B3GALNT2: variants seen among roughly 807,000 people sequenced by gnomAD.
B3GALNT2 encodes the protein beta-1,3-N-acetylgalactosaminyltransferase 2, also known as UDP-GalNAc:beta-1,3-N-acetylgalactosaminyltransferase 2.
Under a neutral mutation model 61.1 loss-of-function variants are expected in B3GALNT2, and 53 were observed. The ratio of observed to expected loss-of-function variants is 0.87; its 90% CI spans 0.70 to 1.09. B3GALNT2 has a LOEUF of 1.09. Ranked by LOEUF, B3GALNT2 falls within the 50% of genes least tolerant of loss-of-function variation. The pLI is 0.00. For missense variants in B3GALNT2, 544 were observed against 623.0 expected (o/e 0.87, Z 1.35); for synonymous variants, 223 against 237.4 (o/e 0.94, Z 0.56).
In B3GALNT2 at chr1:235,448,498, T is replaced by TTAAAC. The variant is rs773815521; in HGVS notation, c.*1703_*1707dup. ...CAAGCTTAGTCCTCGTATTATGACA[T>TTAAAC]TAAACTGTCTCTAGATAGCAACAGT... On this transcript the variant is annotated 3_prime_UTR_variant, in exon 12 of 12. Transcript: ENST00000366600. 2 of 1,529,024 alleles carry TTAAAC rather than the reference T, an allele frequency of 1.3e-6. No homozygotes were observed. 94.7% of individuals were successfully genotyped at this position (1,529,024 alleles called of 1,614,324 possible).
intron 1 of B3GALNT2, among the ~76,000 whole-genome samples, chr1:235,501,571 T>C (rs1335809399): frequency 1.3e-5 from 2 of 152,250 alleles, no homozygotes; most frequent in Non-Finnish European, 2.9e-5. Flanking sequence ...GAAGTTTAGC[T>C]TGATTACTGC....
chr1:235,489,815 T>C (rs1458370289), intron 2 of B3GALNT2, among the ~76,000 whole-genome samples: 3 of 152,196 alleles, frequency 2.0e-5, no homozygotes, highest in Non-Finnish European at 4.4e-5. Context: ...CACCACACTT[T>C]ACACTGAGGT....
At chr1:235,471,545 T>C (rs1339624288) in intron 5 of B3GALNT2, among the ~76,000 whole-genome samples, 1 of 152,222 alleles carries the variant, frequency 6.6e-6, no homozygotes, top group Non-Finnish European at 1.5e-5. Context: ...ATTTATAGGG[T>C]TATCAGCAAT....
chr1:235,492,006 G>A (rs764287118), intron 2 of B3GALNT2, among the ~76,000 whole-genome samples: 4 of 151,990 alleles, frequency 2.6e-5, no homozygotes, highest in South Asian at 2.1e-4. Flanking sequence ...TTTATTATAC[G>A]ATTACACCTA....
chr1:235,496,241 G>A (rs1363148453), intron 1 of B3GALNT2: 2 of 276,368 alleles, frequency 7.2e-6, no homozygotes, highest in Non-Finnish European at 1.3e-5. Context: ...AACCCGGGAG[G>A]TGGAGGTTGG....
chr1:235,458,737 A>G lies in B3GALNT2; in HGVS notation c.891T>C (p.Ile297=). Residue 297 remains isoleucine, a synonymous_variant, in exon 8 of 12, where the codon ATT becomes ATC. Coordinates refer to ENST00000366600, the MANE Select transcript of B3GALNT2 (RefSeq NM_152490.5). ...CCTCATGGAGATTCCTTATATGATC[A>G]ATAAGTCTTTGAGGGCGAGAATGAA... ...HNLHSRPQRL[I]DHIRNLHEED... is the part of the protein sequence containing the mutation. The G allele has an allele frequency of 3.1e-6, 5 of 1,611,776 alleles. No individual in the cohort carries two copies. The highest frequency in any genetic ancestry group is 4.2e-6 in the Non-Finnish European group (5 of 1,179,240).
chr1:235,472,897 C>G (rs1391477834), intron 5 of B3GALNT2, among the ~76,000 whole-genome samples: 1 of 151,974 alleles, frequency 6.6e-6, no homozygotes, highest in East Asian at 1.9e-4. Context: ...GTGATATAAA[C>G]TTTTTCTTTT....
At chr1:235,498,110 T>C (rs1364365961) in intron 1 of B3GALNT2, among the ~76,000 whole-genome samples, 2 of 152,180 alleles carry the variant, frequency 1.3e-5, no homozygotes, top group Admixed American at 1.3e-4. Flanking sequence ...CCACATACCA[T>C]TAATGTAAAT....
intron 7 of B3GALNT2, 42 bp downstream of exon 7, chr1:235,465,594 A>C: frequency 6.2e-7 from 1 of 1,607,628 alleles, no homozygotes; most frequent in Non-Finnish European, 8.5e-7. Context: ...ATTAAGTATA[A>C]GACATTCAGT....
At chr1:235,450,814 T>TA (rs34729832) in intron 11 of B3GALNT2, 19,579 of 153,348 alleles carry the variant, frequency 0.13, 1,615 homozygotes, top group African/African-American at 0.23. Flanking sequence ...AACGAAGAGT[T>TA]AAAAAACTTG....
Position 235,458,683 on chromosome 1 carries a change from G to T in B3GALNT2, c.945C>A (p.Ser315Arg). Residue 315 changes from serine to arginine, a missense_variant, in exon 8 of 12, where the codon AGC becomes AGA. Coordinates refer to ENST00000366600, the MANE Select transcript of B3GALNT2 (RefSeq NM_152490.5). ...EEDALLKEESSIYDDIVFVDV... is the reference protein window; with the variant it reads ...EEDALLKEESRIYDDIVFVDV... ...CCACAAAAACAATATCATCATAGAT[G>T]CTGCTTTCCTCCTTCAGTAAGGCAT... 1 of 1,613,254 alleles carries T rather than the reference G, an allele frequency of 6.2e-7. No homozygotes were observed. The highest frequency in any genetic ancestry group is 1.1e-5 in the South Asian group (1 of 90,794).
chr1:235,485,515 C>T (rs1216938913), intron 3 of B3GALNT2, among the ~76,000 whole-genome samples: 2 of 152,112 alleles, frequency 1.3e-5, no homozygotes, highest in Non-Finnish European at 2.9e-5. Context: ...TCATGTTACC[C>T]AGGCTGGTCT....
At chr1:235,465,278 T>C (rs542013194) in intron 7 of B3GALNT2, 1 of 176,532 alleles carries the variant, frequency 5.7e-6, no homozygotes, top group East Asian at 1.5e-4. Context: ...CTGGAACACA[T>C]GTTACAGCAA....
rs772384339 is a variant in B3GALNT2, at chr1:235,465,574, A to G, written c.841+62T>C. The G allele has an allele frequency of 2.6e-6, 4 of 1,565,162 alleles. No homozygotes were observed. In the South Asian group the frequency reaches 3.6e-5, roughly 14 times the overall value. The stretch of plus-strand genomic sequence containing the variant: ...AAAAAAGAAAAAATCCTTTTCTCTC[A>G]AGTATAAAGATTAAGTATAAGACAT... On this transcript the variant is annotated intron_variant, in intron 7 of 11. Coordinates refer to ENST00000366600, the MANE Select transcript of B3GALNT2 (RefSeq NM_152490.5).
In B3GALNT2 at chr1:235,451,267, G is replaced by C. The variant is rs1359651098; in HGVS notation, c.1369-927C>G. ...ATGGAAAGGAGTCTCTCTCCCCTCA[G>C]TGCCTACCCACAGCTTGCACTTAGG... On this transcript the variant is annotated intron_variant, in intron 11 of 11. Transcript: ENST00000366600. 2.6e-5 allele frequency: 4 copies of C among 152,304 alleles called. No homozygotes were observed. The East Asian group carries it at 5.8e-4, about 22-fold the overall frequency. 9.4% of individuals were successfully genotyped at this position (152,304 alleles called of 1,614,324 possible). A position where few individuals can be genotyped will look rare whatever the true frequency, so the allele number is the denominator to read the frequency against.
Position 235,450,126 on chromosome 1 carries a change from A to C in B3GALNT2, c.*80T>G. Reference sequence around the variant, plus strand: ...TTGAAAGACCATACAGTCTACTGCTAAACCCTGGGACTCCTCAGACTTGCA... The same window carrying C: ...TTGAAAGACCATACAGTCTACTGCTCAACCCTGGGACTCCTCAGACTTGCA... On this transcript the variant is annotated 3_prime_UTR_variant, in exon 12 of 12. Coordinates refer to ENST00000366600, the MANE Select transcript of B3GALNT2 (RefSeq NM_152490.5). The C allele has an allele frequency of 1.2e-5, 18 of 1,541,692 alleles. No homozygotes were observed. The highest frequency in any genetic ancestry group is 3.4e-5 in the Admixed American group (2 of 59,602).
intron 5 of B3GALNT2, among the ~76,000 whole-genome samples, chr1:235,477,036 A>AT (rs986558246): frequency 2.6e-5 from 4 of 151,924 alleles, no homozygotes; most frequent in Non-Finnish European, 5.9e-5. Context: ...AAAAAAAAAA[A>AT]AATAAGTAAA....
intron 5 of B3GALNT2, among the ~76,000 whole-genome samples, chr1:235,478,746 T>C (rs1246855671): frequency 6.6e-6 from 1 of 152,198 alleles, no homozygotes. Context: ...CATCAAAAGA[T>C]GTTCGTGATA....
At position 235,465,680 on chromosome 1, in the gene B3GALNT2, T is replaced by C; in HGVS notation, c.797A>G (p.Glu266Gly). 4 of 1,613,994 alleles carry C rather than the reference T, an allele frequency of 2.5e-6. No homozygotes were observed. The South Asian group carries it at 4.4e-5, about 18-fold the overall frequency. The change falls in exon 7 of 12, where the codon GAA becomes GGA. Residue 266 changes from glutamate to glycine, a missense_variant. Coordinates refer to ENST00000366600, the MANE Select transcript of B3GALNT2 (RefSeq NM_152490.5). ...ACCACCTGCAACTCCCTCCACACCT[T>C]CCAAGAATTCATGAGGCAATGCACC... ...GEGALPHEFLEGVEGVAGGFI... is the reference protein window; with the variant it reads ...GEGALPHEFLGGVEGVAGGFI...
Sources: allele counts gnomAD v4.1 joint callset (sites outside exome capture counted in the v4.1 genomes callset), GRCh38; gene constraint gnomAD v4.1.1; transcripts MANE v1.5; gene names NCBI Gene and HGNC (gene_info 2026-07-23, HGNC 2026-07-21).